The following CD93 variants were observed in gnomAD, a reference collection of about 807,000 sequenced individuals.
The protein encoded by CD93 is complement component C1q receptor.
A neutral mutation model predicts 45.5 loss-of-function variants in CD93; 44 were observed. That is an observed-to-expected ratio of 0.97 (90% CI 0.76 to 1.24). The LOEUF is 1.24. Ranked by LOEUF, CD93 falls within the 50% of genes most tolerant of loss-of-function variation. The pLI, the probability that CD93 is intolerant of heterozygous loss-of-function variation, is 0.00. For synonymous variants in CD93, 431 were observed against 370.8 expected (o/e 1.16, Z -1.87); for missense variants, 918 against 844.5 (o/e 1.09, Z -1.08).
At position 23,082,566 on chromosome 20, in the gene CD93, T is replaced by TGAGA. The variant is rs1568676276; in HGVS notation, c.*1383_*1384insTCTC. On this transcript the variant is annotated 3_prime_UTR_variant, in exon 2 of 2. Coordinates refer to ENST00000246006, the MANE Select transcript of CD93 (RefSeq NM_012072.4). ...GTGTGTGTGTGTGTGTGTGTGTGTG[T>TGAGA]GTGAGAGAGAGAGAGAGAGAGAAAG... 1.7e-4 allele frequency: 25 copies of TGAGA among 149,194 alleles called. No individual in the cohort carries two copies. Among genetic ancestry groups the TGAGA allele is most frequent in the African/African-American group, 6.3e-4 (25 of 39,654 alleles). 9.2% of individuals were successfully genotyped at this position (149,194 alleles called of 1,614,324 possible). A position where few individuals can be genotyped will look rare whatever the true frequency, so the allele number is the denominator to read the frequency against.
Position 23,084,880 on chromosome 20 carries a change from AG to A in CD93, c.1312del (p.Leu438SerfsTer150), listed in dbSNP as rs1985433569. On this transcript the variant is annotated frameshift_variant, in exon 1 of 2. Coordinates refer to ENST00000246006, the MANE Select transcript of CD93 (RefSeq NM_012072.4). LOFTEE classifies it high-confidence loss of function. ...VDECVGPGGP[L>X]CDSLCFNTQG... ...TGTGTTGAAGCACAAGCTGTCGCAG[AG>A]GGGGCCCCCCGGGCCCACACACTCA... is the stretch of plus-strand genomic sequence containing the variant. The A allele has an allele frequency of 6.2e-7, 1 of 1,613,056 alleles. No individual in the cohort carries two copies. The highest frequency in any genetic ancestry group is 8.5e-7 in the Non-Finnish European group (1 of 1,179,838).
At position 23,085,818 on chromosome 20, in the gene CD93, G is replaced by A. The variant is rs757449887; in HGVS notation, c.375C>T (p.Tyr125=). The change falls in exon 1 of 2, where the codon TAC becomes TAT. Residue 125 remains tyrosine (Y), a synonymous_variant. Coordinates refer to ENST00000246006, the MANE Select transcript of CD93 (RefSeq NM_012072.4). ...SWVGGGEDTP[Y]SNWHKELRNS... Reference sequence around the variant, plus strand: ...TCCGGAGCTCCTTGTGCCAGTTAGAGTAAGGCGTGTCCTCCCCCCCGCCCA... The same window carrying A: ...TCCGGAGCTCCTTGTGCCAGTTAGAATAAGGCGTGTCCTCCCCCCCGCCCA... The A allele has an allele frequency of 1.1e-5, 18 of 1,607,926 alleles. No homozygotes were observed. Among genetic ancestry groups the A allele is most frequent in the South Asian group, 1.0e-4 (9 of 89,862 alleles).
At position 23,086,040 on chromosome 20, in the gene CD93, G is replaced by C. The variant is rs1985490495; in HGVS notation, c.153C>G (p.Asn51Lys). ...SGKLSAAEAQ[N>K]HCNQNGGNLA... ...GGTTGCCCCCGTTCTGGTTGCAGTG[G>C]TTCTGGGCCTCGGCAGCGCTCAGCT... is the stretch of plus-strand genomic sequence containing the variant. Residue 51 changes from asparagine (N) to lysine (K), a missense_variant, in exon 1 of 2, where the codon AAC (asparagine) becomes AAG (lysine). By Grantham distance (94) the Asn-to-Lys change is moderately conservative. Transcript: ENST00000246006. 2.5e-6 allele frequency: 4 copies of C among 1,609,038 alleles called. No individual in the cohort carries two copies. Among genetic ancestry groups the C allele is most frequent in the Non-Finnish European group, 2.5e-6 (3 of 1,179,524 alleles).
In CD93 at chr20:23,085,351, C is replaced by G; in HGVS notation, c.842G>C (p.Gly281Ala). 1 of 1,614,018 alleles carries G rather than the reference C, an allele frequency of 6.2e-7. No homozygotes were observed. Among genetic ancestry groups the G allele is most frequent in the Non-Finnish European group, 8.5e-7 (1 of 1,180,028 alleles). ...CHQDCFEGGD[G>A]SFLCGCRPGF... Reference sequence around the variant, plus strand: ...TGGTCGGCAGCCGCAGAGGAAGGAGCCATCCCCCCCTTCAAAGCAGTCCTG... The same window carrying G: ...TGGTCGGCAGCCGCAGAGGAAGGAGGCATCCCCCCCTTCAAAGCAGTCCTG... Residue 281 changes from glycine to alanine, a missense_variant, in exon 1 of 2, where the codon GGC becomes GCC. Gly to Ala is a moderately conservative substitution (Grantham distance 60, BLOSUM62 0). Coordinates refer to ENST00000246006, the MANE Select transcript of CD93 (RefSeq NM_012072.4).
chr20:23,084,231 TC>T, intron 1 of CD93, 27 bp downstream of exon 1: 2 of 1,606,124 alleles, frequency 1.2e-6, no homozygotes, highest in Non-Finnish European at 8.5e-7. Context: ...GCCCATCCCC[TC>T]CCCCGGTCAC....
chr20:23,085,377 G>A lies in CD93; in HGVS notation c.816C>T (p.His272=). ...CATCCCCCCCTTCAAAGCAGTCCTG[G>A]TGGCAGCCCCCATTGTTGAAGTTGC... ...YGCNFNNGGC[H]QDCFEGGDGS... The change falls in exon 1 of 2, where the codon CAC becomes CAT. Residue 272 remains histidine, a synonymous_variant. Coordinates refer to ENST00000246006, the MANE Select transcript of CD93 (RefSeq NM_012072.4). The A allele has an allele frequency of 1.9e-6, 3 of 1,613,998 alleles. No homozygotes were observed. The highest frequency in any genetic ancestry group is 1.3e-5 in the African/African-American group (1 of 75,064).
At chr20:23,084,127 G>A (rs1202648024) in intron 1 of CD93, 132 bp downstream of exon 1, 1 of 1,412,596 alleles carries the variant, frequency 7.1e-7, no homozygotes, top group Non-Finnish European at 1.0e-6. Flanking sequence ...AGGTTGAGGG[G>A]TCAGCTGCAA....
Position 23,084,928 on chromosome 20 carries a change from C to T in CD93, c.1265G>A (p.Gly422Glu), listed in dbSNP as rs772210754. ...CTCATCCACGTCCTGGCACTGAGTC[C>T]CGTCCTCCCCGGCCAGGACGTAGCC... ...EEGYVLAGED[G>E]TQCQDVDECV... is the part of the protein sequence containing the mutation. Residue 422 changes from glycine to glutamate, a missense_variant, in exon 1 of 2, where the codon GGG (glycine) becomes GAG (glutamate). Gly to Glu is a moderately conservative substitution (Grantham distance 98, BLOSUM62 -2). Transcript: ENST00000246006. 5 of 1,613,426 alleles carry T rather than the reference C, an allele frequency of 3.1e-6. No homozygotes were observed. In the South Asian group the frequency reaches 3.3e-5, roughly 11 times the overall value.
At position 23,083,658 on chromosome 20, in the gene CD93, G is replaced by C. The variant is rs1361408680; in HGVS notation, c.*292C>G. ...CTTAGCCCCGGCCTCCTCACACCCT[G>C]ATCCGGAATTGGTCACATTGGAATT... is the stretch of plus-strand genomic sequence containing the variant. On this transcript the variant is annotated 3_prime_UTR_variant, in exon 2 of 2. Transcript: ENST00000246006. The C allele has an allele frequency of 3.9e-6, 2 of 509,106 alleles. No homozygotes were observed. The highest frequency in any genetic ancestry group is 3.8e-5 in the African/African-American group (2 of 52,022). 31.5% of individuals were successfully genotyped at this position (509,106 alleles called of 1,614,324 possible).
Position 23,085,122 on chromosome 20 carries a change from C to T in CD93, c.1071G>A (p.Glu357=), listed in dbSNP as rs772619730. ...GGAAGCCCCCAGGGGTGTTGACACA[C>T]TCCTGGGCACAGGGGGAGTCCTGGC... ...DECQDSPCAQ[E]CVNTPGGFRC... Residue 357 remains glutamate (E), a synonymous_variant, in exon 1 of 2, where the codon GAG becomes GAA. Coordinates refer to ENST00000246006, the MANE Select transcript of CD93 (RefSeq NM_012072.4). The T allele has an allele frequency of 8.2e-6, 13 of 1,590,576 alleles. No homozygotes were observed. Among genetic ancestry groups the T allele is most frequent in the Non-Finnish European group, 1.1e-5 (13 of 1,166,982 alleles).
At position 23,083,648 on chromosome 20, in the gene CD93, C is replaced by G. The variant is rs6048537; in HGVS notation, c.*302G>C. ...AGGGGAGCCCCTTAGCCCCGGCCTCCTCACACCCTGATCCGGAATTGGTCA... is the reference window on the plus strand; with the variant it reads ...AGGGGAGCCCCTTAGCCCCGGCCTCGTCACACCCTGATCCGGAATTGGTCA... On this transcript the variant is annotated 3_prime_UTR_variant, in exon 2 of 2. Coordinates refer to ENST00000246006, the MANE Select transcript of CD93 (RefSeq NM_012072.4). 1.4e-4 allele frequency: 67 copies of G among 496,222 alleles called. No homozygotes were observed. The highest frequency in any genetic ancestry group is 1.2e-3 in the African/African-American group (63 of 51,910). The allele number at this position is 496,222 out of a possible 1,614,324, so 30.7% of individuals were successfully genotyped here.
rs1465761634 is a variant in CD93 at position 23,081,192 on chromosome 20, C to G, written c.*2758G>C. 3 of 152,212 alleles carry G rather than the reference C, an allele frequency of 2.0e-5. No individual in the cohort carries two copies. The highest frequency in any genetic ancestry group is 2.9e-5 in the Non-Finnish European group (2 of 68,048). The allele number at this position is 152,212 out of a possible 1,614,324, so 9.4% of individuals were successfully genotyped here. A position where few individuals can be genotyped will look rare whatever the true frequency, so the allele number is the denominator to read the frequency against. On this transcript the variant is annotated 3_prime_UTR_variant, in exon 2 of 2. Coordinates refer to ENST00000246006, the MANE Select transcript of CD93 (RefSeq NM_012072.4). ...CTCCAAGTGAAAACTTCCCCCGTCCCCATGGCCCTGGCTTGTTCTGCTGCT... is the reference window on the plus strand; with the variant it reads ...CTCCAAGTGAAAACTTCCCCCGTCCGCATGGCCCTGGCTTGTTCTGCTGCT...
At position 23,084,983 on chromosome 20, in the gene CD93, CTG is replaced by C. The variant is rs748599513; in HGVS notation, c.1208_1209del (p.Thr403ArgfsTer9). 2 of 1,613,812 alleles carry C rather than the reference CTG, an allele frequency of 1.2e-6. No individual in the cohort carries two copies. Among genetic ancestry groups the C allele is most frequent in the African/African-American group, 2.7e-5 (2 of 74,940 alleles). On this transcript the variant is annotated frameshift_variant, in exon 1 of 2. Transcript: ENST00000246006. LOFTEE classifies it high-confidence loss of function. The stretch of plus-strand genomic sequence containing the variant: ...TCACAGGAGCAGTGAAATGAGCCAT[CTG>C]TGTTGGTGCAGCCCTGGGCGCAAGG... ...RSPCAQGCTNTDGSFHCSCEE... is the reference protein window; with the variant it reads ...RSPCAQGCTNXDGSFHCSCEE...
chr20:23,084,414 G>A lies in CD93; in HGVS notation c.1779C>T (p.Ile593=), dbSNP rs1462778432. 2.5e-6 allele frequency: 4 copies of A among 1,614,236 alleles called. No individual in the cohort carries two copies. In the South Asian group the frequency reaches 3.3e-5, roughly 13 times the overall value. The change falls in exon 1 of 2, where the codon ATC becomes ATT. Residue 593 remains isoleucine (I), a synonymous_variant. Coordinates refer to ENST00000246006, the MANE Select transcript of CD93 (RefSeq NM_012072.4). ...CCAGAGCCAGGGCCAGCAGGAGTAG[G>A]ATGGCCACCACGGTGCCTAGGATGT... ...LFYILGTVVA[I]LLLLALALGL...
At position 23,084,764 on chromosome 20, in the gene CD93, G is replaced by T; in HGVS notation, c.1429C>A (p.Pro477Thr). The change falls in exon 1 of 2, where the codon CCA becomes ACA. Residue 477 changes from proline to threonine, a missense_variant. By Grantham distance (38) the Pro-to-Thr change is conservative. Transcript: ENST00000246006. ...TCCTCCTCATCGGGGGGCCCAGATG[G>T]TGGTCCCAGAGACACAGGCCCCATG... ...CTMGPVSLGP[P>T]SGPPDEEDKG... 6.2e-7 allele frequency: 1 copy of T among 1,611,546 alleles called. No individual in the cohort carries two copies. The highest frequency in any genetic ancestry group is 1.3e-5 in the African/African-American group (1 of 74,918).
In CD93 at chr20:23,081,835, AT is replaced by A. The variant is rs1985331180; in HGVS notation, c.*2114del. On this transcript the variant is annotated 3_prime_UTR_variant, in exon 2 of 2. Transcript: ENST00000246006. ...GGGCTGTGGGAAGCCAAGGACAGAA[AT>A]GTCTCCTTCACCCCAAATGATAAGG... 6.6e-6 allele frequency: 1 copy of A among 152,240 alleles called. No individual in the cohort carries two copies. Among genetic ancestry groups the A allele is most frequent in the Non-Finnish European group, 1.5e-5 (1 of 68,056 alleles). 9.4% of individuals were successfully genotyped at this position (152,240 alleles called of 1,614,324 possible). A position where few individuals can be genotyped will look rare whatever the true frequency, so the allele number is the denominator to read the frequency against.
rs765366648 is a variant in CD93, at chr20:23,084,614, T to C, written c.1579A>G (p.Ile527Val). The part of the protein sequence containing the change: ...SRPSLSSDAP[I>V]TSAPLKMLAP... ...AGCATCTTGAGTGGGGCAGATGTGA[T>C]GGGGGCGTCAGATGACAGCGAAGGT... The change falls in exon 1 of 2, where the codon ATC (isoleucine) becomes GTC (valine). Residue 527 changes from isoleucine to valine, a missense_variant. Ile to Val is a conservative substitution (Grantham distance 29, BLOSUM62 3). Transcript: ENST00000246006. The C allele has an allele frequency of 3.1e-6, 5 of 1,609,734 alleles. No individual in the cohort carries two copies. The African/African-American group carries it at 6.7e-5, about 22-fold the overall frequency.
chr20:23,080,914 G>A lies in CD93; in HGVS notation c.*3036C>T, dbSNP rs1291472487. The A allele has an allele frequency of 6.6e-6, 1 of 152,182 alleles. No individual in the cohort carries two copies. Among genetic ancestry groups the A allele is most frequent in the African/African-American group, 2.4e-5 (1 of 41,440 alleles). The allele number at this position is 152,182 out of a possible 1,614,324, so 9.4% of individuals were successfully genotyped here. On this transcript the variant is annotated 3_prime_UTR_variant, in exon 2 of 2. Transcript: ENST00000246006. ...TTTTTCTGCATTCCTCAGATTATCT[G>A]TGGGAATTGTCCTCCTGCATCCTTT...
At position 23,084,695 on chromosome 20, in the gene CD93, C is replaced by A; in HGVS notation, c.1498G>T (p.Ala500Ser). The A allele has an allele frequency of 6.3e-7, 1 of 1,586,728 alleles. No homozygotes were observed. Among genetic ancestry groups the A allele is most frequent in the Non-Finnish European group, 8.6e-7 (1 of 1,167,270 alleles). Residue 500 changes from alanine (A) to serine (S), a missense_variant, in exon 1 of 2, where the codon GCC (alanine) becomes TCC (serine). Transcript: ENST00000246006. ...EGSTVPRAATASPTRGPEGTP... is the reference protein window; with the variant it reads ...EGSTVPRAATSSPTRGPEGTP... ...CCCTCGGGGCCCCTTGTGGGACTGGCTGTTGCAGCACGGGGCACGGTGCTC... is the reference window on the plus strand; with the variant it reads ...CCCTCGGGGCCCCTTGTGGGACTGGATGTTGCAGCACGGGGCACGGTGCTC...
Sources: allele counts gnomAD v4.1 joint callset, GRCh38; gene constraint gnomAD v4.1.1; transcripts MANE v1.5; gene names NCBI Gene and HGNC (gene_info 2026-07-23, HGNC 2026-07-21).